The following MRTFB variants were observed in gnomAD, a reference collection of about 807,000 sequenced individuals.
MRTFB encodes the protein myocardin-related transcription factor B.
Under a neutral mutation model 104.2 loss-of-function variants are expected in MRTFB, and 29 were observed. The ratio of observed to expected loss-of-function variants is 0.28; its 90% CI spans 0.21 to 0.38. The LOEUF is 0.38. MRTFB is among the 10% of genes least tolerant of loss of function. MRTFB has a pLI of 1.00. For missense variants in MRTFB, 1,270 were observed against 1,341.6 expected, an observed-to-expected ratio of 0.95 and a Z score of 0.83; for synonymous variants, 535 against 519.5, an observed-to-expected ratio of 1.03 and a Z score of -0.41.
chr16:14,123,910 T>C (rs1184198760), intron 2 of MRTFB, among the ~76,000 whole-genome samples: 1 of 152,200 alleles, frequency 6.6e-6, no homozygotes, highest in Non-Finnish European at 1.5e-5. Flanking sequence ...GCATGGAATG[T>C]TTTTCCATTT....
the MRTFB span, among the ~76,000 whole-genome samples, chr16:14,033,895 TGTGGTGA>T: frequency 6.8e-6 from 1 of 147,224 alleles, no homozygotes; most frequent in Non-Finnish European, 1.5e-5. Flanking sequence ...ATAAAAACTG[TGTGGTGA>T]GTGTGGTTCA....
the MRTFB span, among the ~76,000 whole-genome samples, chr16:14,054,432 G>C: frequency 6.6e-6 from 1 of 151,988 alleles, no homozygotes; most frequent in Non-Finnish European, 1.5e-5. Flanking sequence ...GGCCAGGCTG[G>C]TCTCCAATTC....
At chr16:14,163,665 C>G (rs991149639) in intron 3 of MRTFB, among the ~76,000 whole-genome samples, 1 of 152,022 alleles carries the variant, frequency 6.6e-6, no homozygotes, top group Admixed American at 6.6e-5. Context: ...AACCCCATCT[C>G]TACTAAAAAT....
chr16:14,254,469 CTT>C (rs1358434182), intron 15 of MRTFB, among the ~76,000 whole-genome samples: 1 of 152,184 alleles, frequency 6.6e-6, no homozygotes, highest in Non-Finnish European at 1.5e-5. Flanking sequence ...AAGCCATAGT[CTT>C]TATGGCCTGG....
At chr16:14,150,572 G>A (rs1394170459) in intron 3 of MRTFB, among the ~76,000 whole-genome samples, 1 of 152,138 alleles carries the variant, frequency 6.6e-6, no homozygotes, top group African/African-American at 2.4e-5. Context: ...AAGGAGCTGG[G>A]TTTAGTGTCT....
At chr16:14,193,589 A>G (rs1412478400) in intron 3 of MRTFB, 1 of 152,172 alleles carries the variant, frequency 6.6e-6, no homozygotes, top group Non-Finnish European at 1.5e-5. Context: ...TCCCCCCTCT[A>G]GACTGTAAGA....
At chr16:14,250,804 G>C (rs556532787) in intron 13 of MRTFB, among the ~76,000 whole-genome samples, 18 of 152,326 alleles carry the variant, frequency 1.2e-4, no homozygotes, top group Admixed American at 7.8e-4. Context: ...AGAGAGCAGA[G>C]GCAGATTCAA....
intron 3 of MRTFB, among the ~76,000 whole-genome samples, chr16:14,175,859 T>A (rs1022434192): frequency 4.6e-5 from 7 of 152,132 alleles, no homozygotes; most frequent in African/African-American, 1.7e-4. Context: ...GAATTTAGAC[T>A]CAAAAGACCA....
At chr16:14,223,927 CTA>C (rs2041872914) in intron 8 of MRTFB, among the ~76,000 whole-genome samples, 1 of 152,164 alleles carries the variant, frequency 6.6e-6, no homozygotes. Context: ...TCTCACACCA[CTA>C]TAAAGAACTA....
At chr16:14,168,064 T>C (rs2039306396) in intron 3 of MRTFB, among the ~76,000 whole-genome samples, 1 of 152,212 alleles carries the variant, frequency 6.6e-6, no homozygotes, top group African/African-American at 2.4e-5. Context: ...GCTAGCCAGT[T>C]CTCCTAACAC....
intron 2 of MRTFB, among the ~76,000 whole-genome samples, chr16:14,082,690 G>A (rs1246321043): frequency 6.6e-6 from 1 of 152,164 alleles, no homozygotes; most frequent in African/African-American, 2.4e-5. Flanking sequence ...TAAGGTGGAA[G>A]GATTGCTTGA....
intron 3 of MRTFB, among the ~76,000 whole-genome samples, chr16:14,157,446 T>C (rs1557519): frequency 0.29 from 44,413 of 152,182 alleles, 13,509 homozygotes; most frequent in African/African-American, 0.77. Flanking sequence ...CCCCAAAGTC[T>C]GTACTCCCTA....
At chr16:14,163,464 A>G (rs1186426769) in intron 3 of MRTFB, among the ~76,000 whole-genome samples, 7 of 152,358 alleles carry the variant, frequency 4.6e-5, no homozygotes, top group Admixed American at 1.3e-4. Context: ...CTGTCCAGTA[A>G]TATTGCTCAC....
At chr16:14,221,654 T>G (rs2041712731) in intron 8 of MRTFB, among the ~76,000 whole-genome samples, 1 of 152,218 alleles carries the variant, frequency 6.6e-6, no homozygotes, top group South Asian at 2.1e-4. Flanking sequence ...TTCTTTGAGA[T>G]TCTTAATTTT....
At chr16:14,018,777 C>T in the MRTFB span, 2 of 152,118 alleles carry the variant, frequency 1.3e-5, no homozygotes, top group African/African-American at 4.8e-5. Flanking sequence ...ATTCTTGTAC[C>T]CATGAAAATG....
Position 14,208,420 on chromosome 16 carries a change from A to G in MRTFB, c.155-1823A>G, listed in dbSNP as rs186843335. ...TTTCATTGTTTGGTTTTTGTTTTAA[A>G]CCAAAAAGGGGGTGGTTGATATTTT... On this transcript the variant is annotated intron_variant, in intron 3 of 16. Coordinates refer to ENST00000571589, the MANE Select transcript of MRTFB (RefSeq NM_001308142.2). 5.7e-4 allele frequency among the ~76,000 whole-genome samples: 86 copies of G among 152,184 alleles called. 1 individual carries two copies. The highest frequency in any genetic ancestry group is 2.0e-3 in the African/African-American group (84 of 41,534).
chr16:14,061,165 A>C, the MRTFB span, among the ~76,000 whole-genome samples: 11 of 152,206 alleles, frequency 7.2e-5, no homozygotes, highest in Non-Finnish European at 1.0e-4. Flanking sequence ...ACAAAAAAAA[A>C]CACCAAAGTT....
the MRTFB span, among the ~76,000 whole-genome samples, chr16:14,015,626 C>A: frequency 6.6e-6 from 1 of 152,126 alleles, no homozygotes; most frequent in Non-Finnish European, 1.5e-5. Flanking sequence ...GAAAGGGCCC[C>A]GAGAAGAGTT....
chr16:14,107,540 G>A lies in MRTFB; in HGVS notation c.-64+28186G>A, dbSNP rs191396661. ...ACACTAGGCATAGAATAAATGGTGA[G>A]CACAGTTGGGGAAGAGGGGTGAATG... On this transcript the variant is annotated intron_variant, in intron 2 of 16. Coordinates refer to ENST00000571589, the MANE Select transcript of MRTFB (RefSeq NM_001308142.2). 2.0e-5 allele frequency among the ~76,000 whole-genome samples: 3 copies of A among 152,320 alleles called. No homozygotes were observed. In the East Asian group the frequency reaches 5.8e-4, roughly 29 times the overall value.
Sources: allele counts gnomAD v4.1 joint callset (sites outside exome capture counted in the v4.1 genomes callset), GRCh38; gene constraint gnomAD v4.1.1; transcripts MANE v1.5; gene names NCBI Gene and HGNC (gene_info 2026-07-23, HGNC 2026-07-21).